The following CLSTN2 variants were observed in gnomAD, a reference collection of about 807,000 sequenced individuals.
The protein encoded by CLSTN2 is calsyntenin 2.
Under a neutral mutation model 101.2 loss-of-function variants are expected in CLSTN2, and 48 were observed. That is an observed-to-expected ratio of 0.47 (90% CI 0.38 to 0.60). The LOEUF is 0.60. Among genes scored for constraint, CLSTN2 ranks in the 20% least tolerant of loss-of-function variants. The pLI, the probability that CLSTN2 is intolerant of heterozygous loss-of-function variation, is 0.00. For missense variants in CLSTN2, 1,160 were observed against 1,238.2 expected (o/e 0.94, Z 0.95); for synonymous variants, 481 against 463.6 (o/e 1.04, Z -0.48).
At chr3:140,306,381 T>G (rs1390339966) in intron 2 of CLSTN2, among the ~76,000 whole-genome samples, 1 of 152,032 alleles carries the variant, frequency 6.6e-6, no homozygotes, top group Non-Finnish European at 1.5e-5. Flanking sequence ...ATCGTAATTC[T>G]AAGAGGACAG....
chr3:140,132,023 CA>C, intron 1 of CLSTN2, among the ~76,000 whole-genome samples: 1 of 152,290 alleles, frequency 6.6e-6, no homozygotes, highest in Middle Eastern at 3.4e-3. Context: ...CAACAACCCC[CA>C]AAGTAATAAG....
intron 1 of CLSTN2, among the ~76,000 whole-genome samples, chr3:140,053,482 G>A (rs1401719051): frequency 2.0e-5 from 3 of 152,200 alleles, no homozygotes; most frequent in African/African-American, 4.8e-5. Flanking sequence ...ATTAACAAAA[G>A]TGTACAGCAG....
At chr3:139,955,112 C>CTATATATATATATATATA (rs58418059) in intron 1 of CLSTN2, among the ~76,000 whole-genome samples, 5,025 of 70,930 alleles carry the variant, frequency 0.071, 761 homozygotes, top group East Asian at 0.075. Flanking sequence ...GGCAATATTG[C>CTATATATATATATATATA]TATATATATA....
intron 2 of CLSTN2, among the ~76,000 whole-genome samples, chr3:140,273,986 C>G (rs964086196): frequency 2.0e-5 from 3 of 152,152 alleles, no homozygotes; most frequent in African/African-American, 7.2e-5. Context: ...CCATCATCCT[C>G]CTCAGGTGAC....
At chr3:140,148,636 T>C (rs1478781144) in intron 1 of CLSTN2, among the ~76,000 whole-genome samples, 1 of 152,238 alleles carries the variant, frequency 6.6e-6, no homozygotes. Flanking sequence ...CTATTTAGGC[T>C]GCTGCATTCA....
intron 2 of CLSTN2, among the ~76,000 whole-genome samples, chr3:140,368,391 T>C (rs965648684): frequency 3.3e-5 from 5 of 152,160 alleles, no homozygotes; most frequent in Non-Finnish European, 1.5e-5. Context: ...AGGTTGTTCA[T>C]TGCCCTGGGA....
At chr3:140,026,810 C>G (rs1276367621) in intron 1 of CLSTN2, among the ~76,000 whole-genome samples, 2 of 152,162 alleles carry the variant, frequency 1.3e-5, no homozygotes, top group Non-Finnish European at 2.9e-5. Context: ...CTCAGGGAAC[C>G]CCCTTCCCAT....
intron 1 of CLSTN2, among the ~76,000 whole-genome samples, chr3:140,070,825 A>G (rs2008379693): frequency 6.6e-6 from 1 of 152,130 alleles, no homozygotes; most frequent in African/African-American, 2.4e-5. Flanking sequence ...AGCCACTATC[A>G]TTTGGTTATG....
chr3:140,492,972 A>G (rs1467619506), intron 8 of CLSTN2, among the ~76,000 whole-genome samples: 2 of 152,244 alleles, frequency 1.3e-5, no homozygotes, highest in East Asian at 3.8e-4. Context: ...TTGTCTGCCA[A>G]GGACACTCAC....
intron 1 of CLSTN2, among the ~76,000 whole-genome samples, chr3:139,994,928 T>C (rs1231247927): frequency 6.6e-6 from 1 of 152,202 alleles, no homozygotes; most frequent in East Asian, 1.9e-4. Flanking sequence ...TAGATGTCCT[T>C]CCTAAATGAC....
intron 1 of CLSTN2, among the ~76,000 whole-genome samples, chr3:139,983,742 A>G (rs988639205): frequency 1.3e-5 from 2 of 152,176 alleles, no homozygotes; most frequent in East Asian, 3.8e-4. Context: ...TAGCATTTAA[A>G]AAAATCAACC....
chr3:140,422,459 C>T (rs948740769), intron 5 of CLSTN2, among the ~76,000 whole-genome samples: 2 of 152,188 alleles, frequency 1.3e-5, no homozygotes, highest in Non-Finnish European at 2.9e-5. Flanking sequence ...GAAGGCAGTT[C>T]TCAAAGCACT....
intron 1 of CLSTN2, among the ~76,000 whole-genome samples, chr3:140,109,107 T>C (rs2009110253): frequency 6.6e-6 from 1 of 151,848 alleles, no homozygotes; most frequent in South Asian, 2.1e-4. Flanking sequence ...GCTTAGGGAG[T>C]TAATTCTGGG....
At chr3:140,220,239 C>A (rs1334216019) in intron 2 of CLSTN2, among the ~76,000 whole-genome samples, 1 of 152,202 alleles carries the variant, frequency 6.6e-6, no homozygotes, top group Non-Finnish European at 1.5e-5. Flanking sequence ...GCTCACAGTG[C>A]CTCCTGGTGG....
chr3:140,279,595 T>A (rs1332676054), intron 2 of CLSTN2, among the ~76,000 whole-genome samples: 1 of 152,214 alleles, frequency 6.6e-6, no homozygotes, highest in Non-Finnish European at 1.5e-5. Context: ...AATGCAGCTG[T>A]GTCTCTGCTC....
intron 2 of CLSTN2, among the ~76,000 whole-genome samples, chr3:140,230,735 T>G (rs1404141000): frequency 6.6e-6 from 1 of 152,218 alleles, no homozygotes; most frequent in Non-Finnish European, 1.5e-5. Flanking sequence ...GCCACCCAGT[T>G]CATGGTATTT....
At chr3:140,094,155 A>G (rs969397906) in intron 1 of CLSTN2, among the ~76,000 whole-genome samples, 3 of 152,202 alleles carry the variant, frequency 2.0e-5, no homozygotes, top group Non-Finnish European at 4.4e-5. Flanking sequence ...ATGCCAAAGT[A>G]AAACAGAAAC....
At chr3:140,141,473 T>C (rs1163130220) in intron 1 of CLSTN2, among the ~76,000 whole-genome samples, 1 of 152,184 alleles carries the variant, frequency 6.6e-6, no homozygotes, top group African/African-American at 2.4e-5. Flanking sequence ...AATGGCTGTG[T>C]ATTCTAGGAA....
At chr3:140,203,550 G>A (rs2010745903) in intron 2 of CLSTN2, among the ~76,000 whole-genome samples, 1 of 132,392 alleles carries the variant, frequency 7.6e-6, no homozygotes, top group Non-Finnish European at 1.5e-5. Context: ...GAAAATGTTA[G>A]CTCTTTTCCT....
Sources: gnomAD v4.1 joint callset for allele counts (sites outside exome capture counted in the v4.1 genomes callset) on GRCh38, gnomAD v4.1.1 for gene constraint, MANE v1.5 for transcripts, NCBI Gene and HGNC (gene_info 2026-07-23, HGNC 2026-07-21) for gene names.